DLC1: variants seen among roughly 807,000 people sequenced by gnomAD.
DLC1 encodes the protein DLC1 Rho GTPase activating protein.
A neutral mutation model predicts 140.3 loss-of-function variants in DLC1; 54 were observed. That is an observed-to-expected ratio of 0.38 (90% CI 0.31 to 0.48). DLC1 has a LOEUF of 0.48. DLC1 is among the 20% of genes least tolerant of loss of function. The pLI, the probability that DLC1 is intolerant of heterozygous loss-of-function variation, is 0.96. For missense variants in DLC1, 2,536 were observed against 1,907.0 expected (o/e 1.33, Z -6.14); for synonymous variants, 986 against 728.1 (o/e 1.35, Z -5.70).
chr8:13,240,098 G>A (rs553323240), intron 5 of DLC1, among the ~76,000 whole-genome samples: 2 of 152,164 alleles, frequency 1.3e-5, no homozygotes, highest in South Asian at 4.2e-4. Flanking sequence ...GCCCCTCATG[G>A]AAACTTCCAC....
intron 2 of DLC1, among the ~76,000 whole-genome samples, chr8:13,490,872 C>T (rs1801202199): frequency 6.6e-6 from 1 of 151,796 alleles, no homozygotes; most frequent in Non-Finnish European, 1.5e-5. Flanking sequence ...GTTCAAATCA[C>T]TGATTAGATC....
chr8:13,349,748 T>A (rs923182914), intron 4 of DLC1, among the ~76,000 whole-genome samples: 1 of 152,188 alleles, frequency 6.6e-6, no homozygotes, highest in Admixed American at 6.5e-5. Context: ...AATTCTAGTA[T>A]AAGTGATCAA....
intron 2 of DLC1, among the ~76,000 whole-genome samples, chr8:13,450,452 CAAA>C (rs759911909): frequency 1.7e-4 from 9 of 53,370 alleles, no homozygotes; most frequent in African/African-American, 2.3e-4. Context: ...GAGACTGTCT[CAAA>C]AAAAAAAAAA....
chr8:13,392,782 T>G (rs547847819), intron 4 of DLC1, among the ~76,000 whole-genome samples: 14 of 152,150 alleles, frequency 9.2e-5, no homozygotes, highest in Non-Finnish European at 1.9e-4. Flanking sequence ...ATGAAGCATT[T>G]CAAACCAAAG....
At chr8:13,374,001 A>G (rs1045321001) in intron 4 of DLC1, among the ~76,000 whole-genome samples, 2 of 152,224 alleles carry the variant, frequency 1.3e-5, no homozygotes, top group Non-Finnish European at 2.9e-5. Context: ...TTGTTTTCCA[A>G]AAGCCTTTAA....
At chr8:13,394,441 G>A (rs1284249957) in intron 3 of DLC1, among the ~76,000 whole-genome samples, 1 of 152,114 alleles carries the variant, frequency 6.6e-6, no homozygotes, top group East Asian at 1.9e-4. Context: ...GTGAGGTCAA[G>A]ACATGTCTGT....
At chr8:13,553,954 C>G (rs998210070) in intron 1 of DLC1, among the ~76,000 whole-genome samples, 1 of 152,082 alleles carries the variant, frequency 6.6e-6, no homozygotes, top group African/African-American at 2.4e-5. Flanking sequence ...CTTGATCTTT[C>G]TAACATCCCT....
At chr8:13,441,458 C>T (rs1185805723) in intron 2 of DLC1, among the ~76,000 whole-genome samples, 3 of 152,208 alleles carry the variant, frequency 2.0e-5, no homozygotes, top group African/African-American at 7.2e-5. Flanking sequence ...ATCTAGAAAA[C>T]CGCATCGTCA....
chr8:13,517,513 A>C (rs987474423), upstream of DLC1, among the ~76,000 whole-genome samples: 1 of 152,192 alleles, frequency 6.6e-6, no homozygotes, highest in Non-Finnish European at 1.5e-5. Context: ...CTTGATTCCA[A>C]ACAAATCTCA....
chr8:13,526,252 T>C (rs1233398181), intron 1 of DLC1, among the ~76,000 whole-genome samples: 1 of 152,232 alleles, frequency 6.6e-6, no homozygotes, highest in African/African-American at 2.4e-5. Flanking sequence ...ATTATAAGTA[T>C]TCAAGTTTGT....
At chr8:13,449,072 C>T (rs1029251628) in intron 2 of DLC1, among the ~76,000 whole-genome samples, 1 of 152,072 alleles carries the variant, frequency 6.6e-6, no homozygotes, top group Admixed American at 6.6e-5. Context: ...TATTATATAC[C>T]TTACAAGCCA....
intron 5 of DLC1, among the ~76,000 whole-genome samples, chr8:13,138,106 C>T (rs937841555): frequency 6.6e-6 from 1 of 152,180 alleles, no homozygotes; most frequent in African/African-American, 2.4e-5. Context: ...TCCAAGGATA[C>T]TCACTTGCAT....
chr8:13,086,407 T>C lies in DLC1; in HGVS notation c.4349A>G (p.Asp1450Gly). 1 of 1,614,224 alleles carries C rather than the reference T, an allele frequency of 6.2e-7. No individual in the cohort carries two copies. The highest frequency in any genetic ancestry group is 2.2e-5 in the East Asian group (1 of 44,880). The part of the protein sequence containing the change: ...GACALLLTSV[D>G]HDRAPVVGVR... ...ACCCACCACAGGTGCGCGATCGTGATCCACAGAGGTTAGTAAAAGGGCACA... is the reference window on the plus strand; with the variant it reads ...ACCCACCACAGGTGCGCGATCGTGACCCACAGAGGTTAGTAAAAGGGCACA... The change falls in exon 17 of 18, where the codon GAT becomes GGT. Residue 1450 changes from aspartate to glycine, a missense_variant. Asp to Gly is a moderately conservative substitution (Grantham distance 94). Coordinates refer to ENST00000276297, the MANE Select transcript of DLC1 (RefSeq NM_182643.3).
chr8:13,144,558 G>C (rs1402555656), intron 5 of DLC1, among the ~76,000 whole-genome samples: 1 of 152,156 alleles, frequency 6.6e-6, no homozygotes, highest in African/African-American at 2.4e-5. Context: ...GAGATCAGGA[G>C]ATCGAGAACA....
chr8:13,176,598 A>G (rs542984450), intron 5 of DLC1, among the ~76,000 whole-genome samples: 2 of 151,246 alleles, frequency 1.3e-5, no homozygotes, highest in Non-Finnish European at 2.9e-5. Context: ...AACACACAAA[A>G]CCCTCTCTTT....
rs1184814015 is a variant in DLC1 at position 13,243,619 on chromosome 8, T to C, written c.1348+61650A>G. Among the ~76,000 whole-genome samples, 4 of 152,198 alleles carry C rather than the reference T, an allele frequency of 2.6e-5. No individual in the cohort carries two copies. In the East Asian group the frequency reaches 7.7e-4, roughly 29 times the overall value. ...ACACTAACAGAGCATATTTTCTTCT[T>C]TTTTTCTAGATCTTTGTTTCTCTTT... On this transcript the variant is annotated intron_variant, in intron 5 of 17. Coordinates refer to ENST00000276297, the MANE Select transcript of DLC1 (RefSeq NM_182643.3).
intron 2 of DLC1, among the ~76,000 whole-genome samples, chr8:13,467,176 G>A (rs1180400450): frequency 6.6e-6 from 1 of 152,092 alleles, no homozygotes; most frequent in African/African-American, 2.4e-5. Context: ...ACTTTCACAG[G>A]TTTGCTAAAT....
chr8:13,116,134 A>G (rs1260239942), intron 5 of DLC1: 3 of 987,144 alleles, frequency 3.0e-6, no homozygotes, highest in Middle Eastern at 1.0e-3. Flanking sequence ...GGGTGTTTCA[A>G]AAGCCCCTGA....
At chr8:13,133,211 C>T (rs886932881) in intron 5 of DLC1, 5 of 1,420,194 alleles carry the variant, frequency 3.5e-6, no homozygotes, top group African/African-American at 2.9e-5. Context: ...GTCCGTGAGC[C>T]GGCGCTCCTG....
Sources: gnomAD v4.1 joint callset for allele counts (sites outside exome capture counted in the v4.1 genomes callset) on GRCh38, gnomAD v4.1.1 for gene constraint, MANE v1.5 for transcripts, NCBI Gene and HGNC (gene_info 2026-07-23, HGNC 2026-07-21) for gene names.